Variants in DNAH14 observed in about 807,000 individuals in gnomAD.
DNAH14 encodes axonemal beta dynein heavy chain 14.
Under a neutral mutation model 520.9 loss-of-function variants are expected in DNAH14, and 478 were observed. The observed-to-expected ratio is 0.92, with a 90% CI of 0.85 to 0.99. The LOEUF is 0.99. Ranked by LOEUF, DNAH14 falls within the 50% of genes least tolerant of loss-of-function variation. The pLI is 0.00. For synonymous variants in DNAH14, 1,581 were observed against 1,757.2 expected (o/e 0.90, Z 2.51); for missense variants, 4,831 against 5,234.5 (o/e 0.92, Z 2.38).
intron 17 of DNAH14, among the ~76,000 whole-genome samples, chr1:225,057,678 C>A (rs1373342640): frequency 2.6e-5 from 4 of 152,150 alleles, no homozygotes; most frequent in Admixed American, 6.5e-5. Flanking sequence ...CCATAGATAG[C>A]TTTTGTTATT....
chr1:225,330,202 G>A (rs912348334), intron 64 of DNAH14, among the ~76,000 whole-genome samples: 1 of 152,148 alleles, frequency 6.6e-6, no homozygotes, highest in Non-Finnish European at 1.5e-5. Context: ...TACACTGCTC[G>A]TGGGAACATA....
intron 38 of DNAH14, among the ~76,000 whole-genome samples, chr1:225,202,546 C>G (rs116784876): frequency 1.3e-5 from 2 of 152,128 alleles, no homozygotes; most frequent in East Asian, 3.9e-4. Flanking sequence ...ACTGTGTCCC[C>G]GCAATAGCAC....
chr1:225,358,470 C>G (rs9659299), intron 73 of DNAH14, 26 bp from the exon 74 acceptor site: 452,307 of 1,476,590 alleles, frequency 0.31, 74,138 homozygotes, highest in East Asian at 0.61. Context: ...TTAATTTTAC[C>G]TTATCTTCCA....
intron 77 of DNAH14, among the ~76,000 whole-genome samples, chr1:225,372,796 TGACA>T (rs919354220): frequency 1.3e-5 from 2 of 151,918 alleles, no homozygotes; most frequent in African/African-American, 4.8e-5. Context: ...TGCAAATGAC[TGACA>T]GAGAGTTAAT....
intron 5 of DNAH14, 35 bp from the exon 6 acceptor site, chr1:224,967,396 A>G: frequency 6.8e-7 from 1 of 1,460,414 alleles, no homozygotes; most frequent in Non-Finnish European, 9.1e-7. Context: ...AGTCAAATTA[A>G]TTAAATTTGT....
intron 22 of DNAH14, among the ~76,000 whole-genome samples, chr1:225,098,214 AC>A (rs1046506876): frequency 1.6e-4 from 24 of 151,512 alleles, no homozygotes; most frequent in African/African-American, 5.4e-4. Flanking sequence ...AAAAAAAAAA[AC>A]CAATTTATTA....
chr1:225,346,099 A>G lies in DNAH14; in HGVS notation c.10816A>G (p.Ile3606Val), dbSNP rs1441809258. The change falls in exon 70 of 86, where the codon ATT (isoleucine) becomes GTT (valine). Residue 3606 changes from isoleucine (I) to valine (V), a missense_variant. Coordinates refer to ENST00000682510, the MANE Select transcript of DNAH14 (RefSeq NM_001367479.1). Reference protein sequence around the residue: ...IQAIRKNYLPIATRGALLYFL... With the variant: ...IQAIRKNYLPVATRGALLYFL... ...AGCAATACGTAAAAACTATCTCCCCATTGCGACCCGAGGCGCCCTGCTCTA... is the reference window on the plus strand; with the variant it reads ...AGCAATACGTAAAAACTATCTCCCCGTTGCGACCCGAGGCGCCCTGCTCTA... 1.3e-6 allele frequency: 2 copies of G among 1,551,610 alleles called. No homozygotes were observed. The highest frequency in any genetic ancestry group is 3.9e-5 in the Admixed American group (2 of 50,990).
chr1:225,077,216 T>C (rs972764130), intron 17 of DNAH14, among the ~76,000 whole-genome samples: 4 of 152,226 alleles, frequency 2.6e-5, no homozygotes, highest in African/African-American at 7.2e-5. Context: ...TGGGGAGTTA[T>C]ATTAATTGAC....
chr1:225,155,251 A>T (rs2080911832), intron 34 of DNAH14, among the ~76,000 whole-genome samples: 1 of 152,104 alleles, frequency 6.6e-6, no homozygotes, highest in African/African-American at 2.4e-5. Flanking sequence ...TTTAAAATTG[A>T]AAAAAAGATG....
chr1:225,299,630 A>C (rs971116431), intron 55 of DNAH14, among the ~76,000 whole-genome samples: 1 of 152,184 alleles, frequency 6.6e-6, no homozygotes, highest in Non-Finnish European at 1.5e-5. Flanking sequence ...TTAATAAATC[A>C]GTTTCAGAAA....
chr1:225,198,410 G>A (rs1398131136), intron 38 of DNAH14, among the ~76,000 whole-genome samples: 2 of 151,878 alleles, frequency 1.3e-5, no homozygotes, highest in Non-Finnish European at 2.9e-5. Flanking sequence ...GTAGAGATGG[G>A]GTTTCACCGT....
intron 36 of DNAH14, among the ~76,000 whole-genome samples, chr1:225,172,633 A>T (rs1056763693): frequency 1.3e-5 from 2 of 152,256 alleles, no homozygotes; most frequent in Non-Finnish European, 2.9e-5. Context: ...CAAATGGAAG[A>T]ACATTCCATG....
intron 10 of DNAH14, among the ~76,000 whole-genome samples, chr1:225,019,163 C>G (rs2065450963): frequency 6.6e-6 from 1 of 152,146 alleles, no homozygotes; most frequent in Non-Finnish European, 1.5e-5. Flanking sequence ...TGTCTGCTGT[C>G]TCTAAGAGAC....
At position 225,020,779 on chromosome 1, in the gene DNAH14, C is replaced by G. The variant is rs112017184; in HGVS notation, c.1108-2836C>G. ...TCCTACTGAAATTATTTCCAAAAAT[C>G]AAGGAGGAAGGACTCCTCCGTAACT... On this transcript the variant is annotated intron_variant, in intron 10 of 85. Coordinates refer to ENST00000682510, the MANE Select transcript of DNAH14 (RefSeq NM_001367479.1). Among the ~76,000 whole-genome samples the G allele has an allele frequency of 3.9e-3, 589 of 152,166 alleles. 5 individuals carry two copies. Among genetic ancestry groups the G allele is most frequent in the African/African-American group, 0.013 (557 of 41,524 alleles).
At chr1:225,142,167 C>G (rs1290130854) in intron 28 of DNAH14, among the ~76,000 whole-genome samples, 1 of 152,026 alleles carries the variant, frequency 6.6e-6, no homozygotes, top group African/African-American at 2.4e-5. Context: ...GTCATTATTA[C>G]TTTTTATTAA....
intron 41 of DNAH14, among the ~76,000 whole-genome samples, chr1:225,214,523 A>C (rs545949704): frequency 7.2e-5 from 11 of 152,276 alleles, no homozygotes; most frequent in Admixed American, 6.5e-5. Context: ...TTCAGCTGTG[A>C]ATCCATCTGC....
At chr1:225,395,993 ATTGAAAAG>A in intron 84 of DNAH14, 1 of 152,332 alleles carries the variant, frequency 6.6e-6, no homozygotes, top group East Asian at 1.9e-4. Context: ...AAAAAGAAAT[ATTGAAAAG>A]GGTGATACAT....
At position 225,147,085 on chromosome 1, in the gene DNAH14, C is replaced by A; in HGVS notation, c.4795-19C>A. ...CATTATAATAATTTTAGTAATCAAT[C>A]TCTTTTTTTTTTTAAAAGATAGTGA... On this transcript the variant is annotated intron_variant, in intron 30 of 85. Transcript: ENST00000682510. 6.9e-7 allele frequency: 1 copy of A among 1,458,894 alleles called. No individual in the cohort carries two copies. The highest frequency in any genetic ancestry group is 9.2e-7 in the Non-Finnish European group (1 of 1,089,878). 90.4% of individuals were successfully genotyped at this position (1,458,894 alleles called of 1,614,324 possible).
At chr1:225,059,078 C>G (rs886603755) in intron 17 of DNAH14, among the ~76,000 whole-genome samples, 12 of 152,138 alleles carry the variant, frequency 7.9e-5, no homozygotes, top group Non-Finnish European at 1.6e-4. Context: ...TGCTGGATAT[C>G]CTTGTTAACT....
Sources: gnomAD v4.1 joint callset for allele counts (sites outside exome capture counted in the v4.1 genomes callset) on GRCh38, gnomAD v4.1.1 for gene constraint, MANE v1.5 for transcripts, NCBI Gene and HGNC (gene_info 2026-07-23, HGNC 2026-07-21) for gene names.